Variants in NTM observed in about 807,000 individuals in gnomAD.
NTM encodes the protein neurotrimin, also known as IgLON family member 2.
A neutral mutation model predicts 42.1 loss-of-function variants in NTM; 13 were observed. The ratio of observed to expected loss-of-function variants is 0.31; its 90% CI spans 0.20 to 0.49. NTM has a LOEUF of 0.49. NTM is among the 20% of genes least tolerant of loss of function. The pLI, the probability that NTM is intolerant of heterozygous loss-of-function variation, is 0.99. For missense variants in NTM, 373 were observed against 452.8 expected (o/e 0.82, Z 1.60); for synonymous variants, 187 against 179.2 (o/e 1.04, Z -0.35).
rs745763352 is a variant in NTM at position 132,134,737 on chromosome 11, A to C, written c.168-11545A>C. On this transcript the variant is annotated intron_variant, in intron 2 of 8. Transcript: ENST00000683400. ...TATATATATATATATATATATATAT[A>C]TATATATATATATATATATATATCT... is the stretch of plus-strand genomic sequence containing the variant. Among the ~76,000 whole-genome samples the C allele has an allele frequency of 1.2e-4, 14 of 120,232 alleles. 1 individual carries two copies. The highest frequency in any genetic ancestry group is 2.2e-4 in the Non-Finnish European group (13 of 58,308). 78.9% of individuals were successfully genotyped at this position (120,232 alleles called of 152,430 possible). A position where few individuals can be genotyped will look rare whatever the true frequency, so the allele number is the denominator to read the frequency against.
At chr11:131,946,285 T>A (rs1418372540) in intron 2 of NTM, among the ~76,000 whole-genome samples, 2 of 152,078 alleles carry the variant, frequency 1.3e-5, no homozygotes, top group African/African-American at 4.8e-5. Context: ...CAGACATATG[T>A]GCTTTTTAAA....
chr11:131,476,919 G>A (rs1953002283), intron 1 of NTM, among the ~76,000 whole-genome samples: 1 of 152,114 alleles, frequency 6.6e-6, no homozygotes, highest in African/African-American at 2.4e-5. Flanking sequence ...CCTTTAATTA[G>A]GAATGTCTTT....
chr11:131,932,018 G>A (rs982672905), intron 2 of NTM, among the ~76,000 whole-genome samples: 2 of 152,230 alleles, frequency 1.3e-5, no homozygotes, highest in Non-Finnish European at 2.9e-5. Context: ...GAGCAGCCAG[G>A]GCTGTCAGAA....
At chr11:131,758,585 C>A (rs531403346) in intron 1 of NTM, among the ~76,000 whole-genome samples, 402 of 146,398 alleles carry the variant, frequency 2.7e-3, no homozygotes, top group African/African-American at 9.8e-3. Context: ...TCCTTTTTTT[C>A]TTTCTTTCTT....
At chr11:132,026,345 G>C (rs1461582324) in intron 2 of NTM, among the ~76,000 whole-genome samples, 1 of 152,128 alleles carries the variant, frequency 6.6e-6, no homozygotes, top group East Asian at 1.9e-4. Context: ...TTTCAGAAAA[G>C]TATCATTCAT....
At chr11:131,847,001 T>G (rs1268049368) in intron 1 of NTM, among the ~76,000 whole-genome samples, 2 of 152,220 alleles carry the variant, frequency 1.3e-5, no homozygotes, top group Admixed American at 6.5e-5. Flanking sequence ...AGGCTCTGGC[T>G]TAAAAGCTAT....
At chr11:131,482,288 C>T (rs191796318) in intron 1 of NTM, among the ~76,000 whole-genome samples, 57 of 152,264 alleles carry the variant, frequency 3.7e-4, no homozygotes, top group African/African-American at 1.3e-3. Flanking sequence ...GCTCTTGATT[C>T]CCCCCACCCA....
At chr11:131,477,276 A>G (rs944692323) in intron 1 of NTM, among the ~76,000 whole-genome samples, 3 of 152,206 alleles carry the variant, frequency 2.0e-5, no homozygotes, top group African/African-American at 7.2e-5. Context: ...TGAAGTCAGA[A>G]TACAGCGGAA....
At chr11:131,936,928 G>A (rs2059284273) in intron 2 of NTM, among the ~76,000 whole-genome samples, 1 of 152,206 alleles carries the variant, frequency 6.6e-6, no homozygotes. Context: ...ACTGAGAACA[G>A]TTAAATAACA....
chr11:131,381,151 T>G (rs1305234107), intron 1 of NTM, among the ~76,000 whole-genome samples: 8 of 152,102 alleles, frequency 5.3e-5, no homozygotes, highest in Admixed American at 5.2e-4. Flanking sequence ...TACATCTAGG[T>G]GAGGTGCTGG....
chr11:131,391,798 C>T (rs1033761334), intron 1 of NTM, among the ~76,000 whole-genome samples: 2 of 152,008 alleles, frequency 1.3e-5, no homozygotes, highest in Admixed American at 6.5e-5. Context: ...TAGTGCCAGC[C>T]ACCAAGATGA....
chr11:132,206,256 C>G (rs1015475497), intron 3 of NTM, among the ~76,000 whole-genome samples: 2 of 152,178 alleles, frequency 1.3e-5, no homozygotes, highest in Non-Finnish European at 2.9e-5. Context: ...AAATGCTTGT[C>G]ACTGCCTGTA....
chr11:132,083,772 G>A (rs1011540612), intron 2 of NTM, among the ~76,000 whole-genome samples: 2 of 152,104 alleles, frequency 1.3e-5, no homozygotes, highest in Non-Finnish European at 2.9e-5. Context: ...AAAAGAAAAT[G>A]GATTCTTATT....
chr11:131,482,802 T>A (rs1953748559), intron 1 of NTM, among the ~76,000 whole-genome samples: 1 of 152,028 alleles, frequency 6.6e-6, no homozygotes, highest in African/African-American at 2.4e-5. Context: ...AGGGTACAGA[T>A]GCATGGGAGA....
At chr11:131,466,198 G>A (rs2136144485) in intron 1 of NTM, among the ~76,000 whole-genome samples, 1 of 152,346 alleles carries the variant, frequency 6.6e-6, no homozygotes, top group Admixed American at 6.5e-5. Flanking sequence ...AAGGGGCAGA[G>A]AGAAGAAAAC....
intron 2 of NTM, among the ~76,000 whole-genome samples, chr11:132,059,301 A>C (rs984031075): frequency 7.9e-5 from 12 of 152,154 alleles, no homozygotes; most frequent in African/African-American, 2.9e-4. Context: ...TCCTCTCCTC[A>C]TGGCCAGCCC....
intron 1 of NTM, among the ~76,000 whole-genome samples, chr11:131,448,157 C>T (rs927015464): frequency 7.2e-5 from 11 of 152,198 alleles, no homozygotes; most frequent in African/African-American, 2.7e-4. Context: ...GGAGGCTGGG[C>T]TACACGAGGA....
At chr11:132,244,120 G>A (rs2090669006) in intron 4 of NTM, among the ~76,000 whole-genome samples, 1 of 152,178 alleles carries the variant, frequency 6.6e-6, no homozygotes, top group Non-Finnish European at 1.5e-5. Flanking sequence ...CTGAGCTCGG[G>A]GCTTCCTGCC....
intron 4 of NTM, among the ~76,000 whole-genome samples, chr11:132,251,222 AG>A (rs2091905593): frequency 6.6e-6 from 1 of 152,196 alleles, no homozygotes; most frequent in African/African-American, 2.4e-5. Flanking sequence ...TCACTTCAAA[AG>A]GGTGTTGGGC....
Sources: allele counts gnomAD v4.1 joint callset (sites outside exome capture counted in the v4.1 genomes callset), GRCh38; gene constraint gnomAD v4.1.1; transcripts MANE v1.5; gene names NCBI Gene and HGNC (gene_info 2026-07-23, HGNC 2026-07-21).